Variants in ZBTB8A observed in about 807,000 individuals in gnomAD.
ZBTB8A encodes zinc finger and BTB domain-containing protein 8A.
Under a neutral mutation model 37.8 loss-of-function variants are expected in ZBTB8A, and 19 were observed. That is an observed-to-expected ratio of 0.50 (90% CI 0.35 to 0.74). The LOEUF is 0.74. Ranked by LOEUF, ZBTB8A falls within the 30% of genes least tolerant of loss-of-function variation. ZBTB8A has a pLI of 0.01. For missense variants in ZBTB8A, 394 were observed against 537.8 expected (o/e 0.73, Z 2.65); for synonymous variants, 181 against 185.2 (o/e 0.98, Z 0.19).
chr1:32,567,144 T>C (rs1382378339), intron 2 of ZBTB8A, among the ~76,000 whole-genome samples: 2 of 152,058 alleles, frequency 1.3e-5, no homozygotes, highest in African/African-American at 4.8e-5. Context: ...TCAGGAAACT[T>C]ACAGTGATGG....
chr1:32,581,360 A>G (rs528532953), intron 2 of ZBTB8A, among the ~76,000 whole-genome samples: 1 of 131,218 alleles, frequency 7.6e-6, no homozygotes, highest in Admixed American at 9.7e-5. Flanking sequence ...TTATATATAT[A>G]TTTTTTTTGA....
intron 2 of ZBTB8A, among the ~76,000 whole-genome samples, chr1:32,564,613 C>A (rs996543192): frequency 6.6e-6 from 1 of 152,058 alleles, no homozygotes; most frequent in African/African-American, 2.4e-5. Flanking sequence ...TCTAATCTTT[C>A]ACCAAAATAC....
At chr1:32,586,844 C>G (rs1429582536) in intron 2 of ZBTB8A, among the ~76,000 whole-genome samples, 11 of 152,058 alleles carry the variant, frequency 7.2e-5, no homozygotes, top group Admixed American at 5.9e-4. Context: ...GATGATAAAC[C>G]ATTGGAAGGT....
At chr1:32,574,774 TTTTA>T (rs937164286) in intron 2 of ZBTB8A, among the ~76,000 whole-genome samples, 4 of 151,992 alleles carry the variant, frequency 2.6e-5, no homozygotes, top group African/African-American at 9.7e-5. Flanking sequence ...TGCTCAAGTG[TTTTA>T]TTTATTTTAT....
At chr1:32,572,096 C>T (rs1644326856) in intron 2 of ZBTB8A, among the ~76,000 whole-genome samples, 1 of 151,984 alleles carries the variant, frequency 6.6e-6, no homozygotes, top group Admixed American at 6.6e-5. Context: ...TCCATGTTTA[C>T]AAGGGATATT....
At chr1:32,539,933 G>A (rs1644038307) in intron 1 of ZBTB8A, among the ~76,000 whole-genome samples, 1 of 150,788 alleles carries the variant, frequency 6.6e-6, no homozygotes, top group Non-Finnish European at 1.5e-5. Flanking sequence ...CTCGGGCTGC[G>A]CGGAGCAAAG....
At chr1:32,596,828 T>C (rs1644535913) in intron 4 of ZBTB8A, among the ~76,000 whole-genome samples, 1 of 152,208 alleles carries the variant, frequency 6.6e-6, no homozygotes, top group South Asian at 2.1e-4. Context: ...TATGTTTTTA[T>C]ATACTGGTCT....
chr1:32,545,723 C>A (rs562221227), intron 1 of ZBTB8A, among the ~76,000 whole-genome samples: 1 of 152,268 alleles, frequency 6.6e-6, no homozygotes, highest in East Asian at 1.9e-4. Flanking sequence ...CTGTTTAATA[C>A]GCTGTTTTTG....
Position 32,593,717 on chromosome 1 carries a change from C to T in ZBTB8A, c.786C>T (p.Tyr262=), listed in dbSNP as rs758926137. 23 of 1,613,814 alleles carry T rather than the reference C, an allele frequency of 1.4e-5. No homozygotes were observed. The highest frequency in any genetic ancestry group is 3.3e-5 in the South Asian group (3 of 91,004). The change falls in exon 3 of 5, where the codon TAC becomes TAT. Residue 262 remains tyrosine, a synonymous_variant. Transcript: ENST00000373510. The stretch of plus-strand genomic sequence containing the variant: ...ACTCTACTCCTGTTGGCTATCAGTA[C>T]GGTCAAGGATCTGATGTCACATCCA... ...EMDSTPVGYQ[Y]GQGSDVTSKS...
At position 32,600,509 on chromosome 1, in the gene ZBTB8A, A is replaced by G. The variant is rs1644567990; in HGVS notation, c.*90A>G. The G allele has an allele frequency of 1.1e-6, 1 of 922,590 alleles. No homozygotes were observed. The highest frequency in any genetic ancestry group is 1.6e-6 in the Non-Finnish European group (1 of 610,558). 57.2% of individuals were successfully genotyped at this position (922,590 alleles called of 1,614,324 possible). On this transcript the variant is annotated 3_prime_UTR_variant, in exon 5 of 5. Coordinates refer to ENST00000373510, the MANE Select transcript of ZBTB8A (RefSeq NM_001040441.3). ...TTCTATGGTCGGAGTCTAGTTAACA[A>G]ATTTATCACACTGACTTTAAAGAAA...
At position 32,593,370 on chromosome 1, in the gene ZBTB8A, C is replaced by T. The variant is rs750503138; in HGVS notation, c.439C>T (p.Arg147Cys). ...AGATGCCAATTCTAATGGTGTAGAA[C>T]GTTCCTCTTTTTATAGTGGTGGCTG... ...DKDANSNGVE[R>C]SSFYSGGWQE... The change falls in exon 3 of 5, where the codon CGT (arginine) becomes TGT (cysteine). Residue 147 changes from arginine (R) to cysteine (C), a missense_variant. Around this residue, in one of 4 missense-constraint regions of ZBTB8A, gnomAD observed 171 missense variants for 186.8 expected, o/e 0.92. Transcript: ENST00000373510. 6.2e-6 allele frequency: 10 copies of T among 1,613,928 alleles called. No homozygotes were observed. The highest frequency in any genetic ancestry group is 1.3e-5 in the African/African-American group (1 of 74,888).
intron 3 of ZBTB8A, 60 bp from the exon 4 acceptor site, chr1:32,594,993 CT>C: frequency 7.2e-7 from 1 of 1,396,886 alleles, no homozygotes; most frequent in South Asian, 1.7e-5. Flanking sequence ...GGATTGGATT[CT>C]TTCTGTTATT....
chr1:32,547,861 C>A (rs1283717908), intron 1 of ZBTB8A, among the ~76,000 whole-genome samples: 2 of 144,984 alleles, frequency 1.4e-5, no homozygotes, highest in Non-Finnish European at 3.0e-5. Context: ...AGACCAGGCG[C>A]AGTGGCTCAC....
intron 2 of ZBTB8A, among the ~76,000 whole-genome samples, chr1:32,575,024 T>C (rs951010828): frequency 6.6e-6 from 1 of 152,012 alleles, no homozygotes; most frequent in African/African-American, 2.4e-5. Flanking sequence ...GTTCTCCCAC[T>C]TTGGCCTCTC....
chr1:32,596,136 G>A (rs796602867), intron 4 of ZBTB8A, among the ~76,000 whole-genome samples: 56 of 152,072 alleles, frequency 3.7e-4, no homozygotes, highest in African/African-American at 1.2e-3. Context: ...TTGGGAGGCC[G>A]AGGCAGGCGG....
intron 1 of ZBTB8A, among the ~76,000 whole-genome samples, chr1:32,551,488 G>A (rs1644155512): frequency 6.6e-6 from 1 of 152,128 alleles, no homozygotes; most frequent in African/African-American, 2.4e-5. Context: ...GCTGAGGCGG[G>A]TGGTTCACCT....
At chr1:32,578,414 T>C (rs1644379419) in intron 2 of ZBTB8A, among the ~76,000 whole-genome samples, 1 of 152,004 alleles carries the variant, frequency 6.6e-6, no homozygotes, top group Admixed American at 6.6e-5. Context: ...GGTTTCACTG[T>C]GTTAGCTAGT....
intron 1 of ZBTB8A, among the ~76,000 whole-genome samples, chr1:32,541,098 CTT>C (rs576825399): frequency 1.7e-3 from 253 of 152,304 alleles, no homozygotes; most frequent in African/African-American, 5.3e-3. Context: ...GTGTAATAGA[CTT>C]AACTCAGTGA....
chr1:32,598,521 G>A (rs1644550475), intron 4 of ZBTB8A, among the ~76,000 whole-genome samples: 2 of 152,042 alleles, frequency 1.3e-5, no homozygotes, highest in African/African-American at 2.4e-5. Context: ...ACAGGTGTGA[G>A]CCACAGTGCC....
Sources: gnomAD v4.1 joint callset for allele counts (sites outside exome capture counted in the v4.1 genomes callset) on GRCh38, gnomAD v4.1.1 for gene constraint, gnomAD v4.1.1 regional missense constraint, MANE v1.5 for transcripts, NCBI Gene and HGNC (gene_info 2026-07-23, HGNC 2026-07-21) for gene names.